Variants in GLIS3 observed in about 807,000 individuals in gnomAD.
GLIS3 encodes zinc finger protein GLIS3.
A neutral mutation model predicts 78.6 loss-of-function variants in GLIS3; 53 were observed. The observed-to-expected ratio is 0.67, with a 90% CI of 0.54 to 0.85. The LOEUF (loss-of-function observed/expected upper bound fraction) is 0.85. Ranked by LOEUF, GLIS3 falls within the 40% of genes least tolerant of loss-of-function variation. The probability of loss-of-function intolerance (pLI) is 0.00; values close to 1 mark genes in which losing one functional copy is unlikely to be tolerated. For missense variants in GLIS3, 1,703 were observed against 1,231.1 expected (o/e 1.38, Z -5.74); for synonymous variants, 684 against 509.9 (o/e 1.34, Z -4.60).
At chr9:4,296,995 G>A (rs1043464468) in intron 1 of GLIS3, among the ~76,000 whole-genome samples, 9 of 151,504 alleles carry the variant, frequency 5.9e-5, no homozygotes, top group South Asian at 4.2e-4. Flanking sequence ...TCATCGTGGC[G>A]GATTCTTTTT....
chr9:3,873,753 A>G (rs990837144), intron 8 of GLIS3, among the ~76,000 whole-genome samples: 6 of 152,250 alleles, frequency 3.9e-5, no homozygotes, highest in African/African-American at 1.4e-4. Context: ...CATGTATAAA[A>G]GTACCTAGAA....
intron 4 of GLIS3, among the ~76,000 whole-genome samples, chr9:3,972,263 A>T (rs2130926202): frequency 6.6e-6 from 1 of 152,282 alleles, no homozygotes; most frequent in East Asian, 1.9e-4. Flanking sequence ...TCTTTTTAGG[A>T]TGAAATCTGT....
chr9:4,093,993 CT>C (rs1829735927), intron 4 of GLIS3, among the ~76,000 whole-genome samples: 3 of 152,232 alleles, frequency 2.0e-5, no homozygotes, highest in South Asian at 4.2e-4. Context: ...TGATTCATTG[CT>C]TTTTTTCATC....
At chr9:3,840,360 C>T (rs555370974) in intron 9 of GLIS3, among the ~76,000 whole-genome samples, 8 of 152,250 alleles carry the variant, frequency 5.3e-5, no homozygotes, top group Admixed American at 5.2e-4. Context: ...GCCATCAGTA[C>T]CATCCAGCTC....
At chr9:4,161,472 C>G (rs931224436) in intron 2 of GLIS3, among the ~76,000 whole-genome samples, 1 of 152,082 alleles carries the variant, frequency 6.6e-6, no homozygotes, top group African/African-American at 2.4e-5. Context: ...AACACCCCTT[C>G]GTGGATGCAT....
chr9:4,363,060 C>T, the GLIS3 span, among the ~76,000 whole-genome samples: 3 of 152,076 alleles, frequency 2.0e-5, no homozygotes, highest in Admixed American at 6.6e-5. Context: ...GAGATCAGTT[C>T]CATTAGGCCC....
chr9:4,207,573 G>T (rs938713311), intron 2 of GLIS3, among the ~76,000 whole-genome samples: 3 of 152,094 alleles, frequency 2.0e-5, no homozygotes, highest in African/African-American at 7.2e-5. Context: ...ATGTTACTAC[G>T]TGCCTTACAC....
rs1192991108 is a variant in GLIS3, at chr9:3,826,722, C to T, written c.*1550G>A. On this transcript the variant is annotated 3_prime_UTR_variant, in exon 11 of 11. Transcript: ENST00000381971. ...TCAGTATACAAACTGTCACAGAATC[C>T]CATCTAACATCAAGCTGTTTTAGTT... is the stretch of plus-strand genomic sequence containing the variant. 1.3e-5 allele frequency: 2 copies of T among 152,140 alleles called. No individual in the cohort carries two copies. The highest frequency in any genetic ancestry group is 2.9e-5 in the Non-Finnish European group (2 of 68,028). 9.4% of individuals were successfully genotyped at this position (152,140 alleles called of 1,614,324 possible). A position where few individuals can be genotyped will look rare whatever the true frequency, so the allele number is the denominator to read the frequency against.
chr9:4,402,756 G>A, the GLIS3 span, among the ~76,000 whole-genome samples: 2 of 152,144 alleles, frequency 1.3e-5, no homozygotes, highest in East Asian at 3.9e-4. Context: ...CTTGAAGACA[G>A]GCTATTTGAA....
At chr9:4,392,566 A>C in the GLIS3 span, among the ~76,000 whole-genome samples, 2 of 152,104 alleles carry the variant, frequency 1.3e-5, no homozygotes, top group Admixed American at 6.5e-5. Context: ...CAAACCTTAG[A>C]TTCTAACAGG....
intron 4 of GLIS3, among the ~76,000 whole-genome samples, chr9:4,062,109 A>G (rs1451029521): frequency 1.3e-5 from 2 of 152,228 alleles, no homozygotes; most frequent in Admixed American, 6.5e-5. Context: ...AATCACACTA[A>G]GTACATAGGT....
intron 4 of GLIS3, among the ~76,000 whole-genome samples, chr9:4,046,615 T>C (rs545443512): frequency 1.3e-5 from 2 of 152,206 alleles, no homozygotes. Context: ...ATTAGGTAGG[T>C]AATAAATCTT....
At chr9:3,883,776 G>A (rs554458212) in intron 7 of GLIS3, among the ~76,000 whole-genome samples, 1 of 152,308 alleles carries the variant, frequency 6.6e-6, no homozygotes, top group Admixed American at 6.5e-5. Context: ...CCTGATGACT[G>A]GCAGCTGGAA....
chr9:4,266,910 C>G (rs954810142), intron 2 of GLIS3, among the ~76,000 whole-genome samples: 5 of 152,150 alleles, frequency 3.3e-5, no homozygotes, highest in Non-Finnish European at 1.5e-5. Context: ...TCCATTTTGA[C>G]TCTAAATAAA....
At chr9:4,350,790 G>GT (rs1817960540), upstream of GLIS3, among the ~76,000 whole-genome samples, 1 of 151,742 alleles carries the variant, frequency 6.6e-6, no homozygotes, top group Admixed American at 6.6e-5. Flanking sequence ...AAACATCAGG[G>GT]TTTGTTTTGT....
At chr9:4,399,963 T>C in the GLIS3 span, among the ~76,000 whole-genome samples, 1 of 151,884 alleles carries the variant, frequency 6.6e-6, no homozygotes, top group Non-Finnish European at 1.5e-5. Context: ...GGAGCAGAAA[T>C]AGGAGGTGGG....
the GLIS3 span, among the ~76,000 whole-genome samples, chr9:4,367,310 G>C: frequency 3.9e-5 from 6 of 152,118 alleles, no homozygotes; most frequent in African/African-American, 1.4e-4. Context: ...GCCCCTGTTT[G>C]GGATAATTGT....
intron 2 of GLIS3, among the ~76,000 whole-genome samples, chr9:4,187,340 G>A (rs1408478673): frequency 2.6e-5 from 4 of 152,086 alleles, no homozygotes; most frequent in East Asian, 1.9e-4. Flanking sequence ...GCTCTGTTCT[G>A]TTCCATTGTT....
chr9:4,415,575 T>A, the GLIS3 span, among the ~76,000 whole-genome samples: 2 of 152,148 alleles, frequency 1.3e-5, no homozygotes, highest in African/African-American at 4.8e-5. Flanking sequence ...CATACACAAA[T>A]GAAATTAACA....
Sources: allele counts gnomAD v4.1 joint callset (sites outside exome capture counted in the v4.1 genomes callset), GRCh38; gene constraint gnomAD v4.1.1; transcripts MANE v1.5; gene names NCBI Gene and HGNC (gene_info 2026-07-23, HGNC 2026-07-21).